FAM184B: variants seen among roughly 807,000 people sequenced by gnomAD.
FAM184B encodes protein FAM184B.
In FAM184B, 111 loss-of-function variants were observed where a neutral mutation model predicts 135.9. The observed-to-expected ratio is 0.82, with a 90% CI of 0.70 to 0.96. The LOEUF (loss-of-function observed/expected upper bound fraction) is 0.96, where lower values mean the gene tolerates loss of function less well. Among genes scored for constraint, FAM184B ranks in the 40% least tolerant of loss-of-function variants. The probability of loss-of-function intolerance (pLI) is 0.00; values close to 1 mark genes in which losing one functional copy is unlikely to be tolerated. For synonymous variants in FAM184B, 552 were observed against 524.8 expected, an observed-to-expected ratio of 1.05 and a Z score of -0.71; for missense variants, 1,375 against 1,323.9, an observed-to-expected ratio of 1.04 and a Z score of -0.60.
At chr4:17,751,589 A>G (rs996355481) in intron 1 of FAM184B, among the ~76,000 whole-genome samples, 4 of 152,082 alleles carry the variant, frequency 2.6e-5, no homozygotes, top group Non-Finnish European at 5.9e-5. Context: ...GTCTTCCACG[A>G]TTAGCATCCT....
intron 1 of FAM184B, among the ~76,000 whole-genome samples, chr4:17,742,168 A>ATT (rs869228150): frequency 2.7e-4 from 30 of 109,292 alleles, no homozygotes; most frequent in African/African-American, 1.3e-3. Flanking sequence ...ATATATATAT[A>ATT]TTTTTTTTTT....
chr4:17,749,848 TA>T (rs1718253701), intron 1 of FAM184B, among the ~76,000 whole-genome samples: 3 of 152,256 alleles, frequency 2.0e-5, no homozygotes, highest in African/African-American at 7.2e-5. Context: ...ATTTATTTCA[TA>T]GTTAAGATCG....
At chr4:17,766,895 G>C (rs1405539059) in intron 1 of FAM184B, among the ~76,000 whole-genome samples, 1 of 152,200 alleles carries the variant, frequency 6.6e-6, no homozygotes, top group Non-Finnish European at 1.5e-5. Flanking sequence ...CCGCACAGGA[G>C]CCTATGGTGC....
At chr4:17,779,094 A>G (rs1718985076) in intron 1 of FAM184B, among the ~76,000 whole-genome samples, 1 of 152,212 alleles carries the variant, frequency 6.6e-6, no homozygotes, top group Non-Finnish European at 1.5e-5. Context: ...TGGAATATGT[A>G]TCACTTTACT....
chr4:17,776,041 A>G, intron 1 of FAM184B, among the ~76,000 whole-genome samples: 1 of 152,232 alleles, frequency 6.6e-6, no homozygotes, highest in East Asian at 1.9e-4. Context: ...ATACATTGAT[A>G]TAGTAAACAA....
intron 11 of FAM184B, 124 bp from the exon 12 acceptor site, chr4:17,647,915 T>G: frequency 9.1e-7 from 1 of 1,098,370 alleles, no homozygotes; most frequent in Non-Finnish European, 1.3e-6. Context: ...TGTGGTGGGT[T>G]AGGTTCCCCA....
intron 1 of FAM184B, among the ~76,000 whole-genome samples, chr4:17,721,406 A>AAAAAAAAAAAAAAAACAAAAAC (rs1560185395): frequency 7.0e-6 from 1 of 143,300 alleles, no homozygotes; most frequent in Non-Finnish European, 1.5e-5. Flanking sequence ...AAAAAAAAAA[A>AAAAAAAAAAAAAAAACAAAAAC]TCTCTTTGCC....
chr4:17,666,943 TTTTG>T (rs1246555763), intron 7 of FAM184B, among the ~76,000 whole-genome samples: 21 of 147,134 alleles, frequency 1.4e-4, no homozygotes, highest in Admixed American at 6.7e-5. Flanking sequence ...CCACTTTTTT[TTTTG>T]TTTTTTTGTT....
At chr4:17,643,506 C>T (rs555586640) in intron 12 of FAM184B, among the ~76,000 whole-genome samples, 6 of 152,098 alleles carry the variant, frequency 3.9e-5, no homozygotes, top group Admixed American at 3.9e-4. Context: ...CTCAGGTGAA[C>T]ACTGACTCCC....
chr4:17,731,035 GA>G (rs1161588761), intron 1 of FAM184B, among the ~76,000 whole-genome samples: 1 of 151,924 alleles, frequency 6.6e-6, no homozygotes, highest in African/African-American at 2.4e-5. Flanking sequence ...GAAGTTTAGA[GA>G]AAAAAGAATA....
At chr4:17,749,345 G>C (rs1010926962) in intron 1 of FAM184B, among the ~76,000 whole-genome samples, 1 of 151,944 alleles carries the variant, frequency 6.6e-6, no homozygotes, top group African/African-American at 2.4e-5. Context: ...ACTTTGGGAG[G>C]CTAGGGCAGG....
chr4:17,669,552 G>A (rs1716124610), intron 7 of FAM184B, among the ~76,000 whole-genome samples: 1 of 152,218 alleles, frequency 6.6e-6, no homozygotes, highest in South Asian at 2.1e-4. Flanking sequence ...CACAAAATAT[G>A]TTGGCAAAAC....
At chr4:17,641,759 A>G (rs1201122719) in intron 13 of FAM184B, among the ~76,000 whole-genome samples, 3 of 148,694 alleles carry the variant, frequency 2.0e-5, no homozygotes, top group Admixed American at 1.3e-4. Flanking sequence ...CTGCCAACCA[A>G]AGTGCTGGGA....
chr4:17,685,075 G>GA (rs946826402), intron 7 of FAM184B, among the ~76,000 whole-genome samples: 10 of 151,614 alleles, frequency 6.6e-5, no homozygotes, highest in Admixed American at 5.9e-4. Context: ...GAGCATTAGG[G>GA]AAAAGATCTA....
intron 1 of FAM184B, among the ~76,000 whole-genome samples, chr4:17,743,161 A>G (rs1180518328): frequency 6.6e-6 from 1 of 152,228 alleles, no homozygotes; most frequent in South Asian, 2.1e-4. Flanking sequence ...ATCCTGTCTC[A>G]TCGAGACCCT....
chr4:17,637,415 G>A (rs1287042744), intron 14 of FAM184B, among the ~76,000 whole-genome samples: 14 of 152,232 alleles, frequency 9.2e-5, no homozygotes, highest in Non-Finnish European at 1.9e-4. Context: ...ACTGACTGGA[G>A]TTGATAAGAG....
chr4:17,748,331 C>A (rs1718220821), intron 1 of FAM184B, among the ~76,000 whole-genome samples: 1 of 151,694 alleles, frequency 6.6e-6, no homozygotes, highest in Non-Finnish European at 1.5e-5. Flanking sequence ...CCTCGAAAAG[C>A]TAAACTGCCC....
intron 1 of FAM184B, among the ~76,000 whole-genome samples, chr4:17,751,823 G>GCACACACACA (rs3222789): frequency 0.055 from 6,425 of 115,826 alleles, 363 homozygotes; most frequent in Non-Finnish European, 0.066. Context: ...TAAAAACAAG[G>GCACACACACA]CACACACACA....
intron 1 of FAM184B, among the ~76,000 whole-genome samples, chr4:17,759,052 C>A (rs554546997): frequency 6.6e-6 from 1 of 152,096 alleles, no homozygotes; most frequent in East Asian, 1.9e-4. Context: ...GTTGGCTTGG[C>A]GATCCTGTCC....
Sources: gnomAD v4.1 joint callset for allele counts (sites outside exome capture counted in the v4.1 genomes callset) on GRCh38, gnomAD v4.1.1 for gene constraint, MANE v1.5 for transcripts, NCBI Gene and HGNC (gene_info 2026-07-23, HGNC 2026-07-21) for gene names.